MAGI1: variants seen among roughly 807,000 people sequenced by gnomAD.
MAGI1 encodes membrane-associated guanylate kinase, WW and PDZ domain-containing protein 1.
A neutral mutation model predicts 139.9 loss-of-function variants in MAGI1; 58 were observed. The observed-to-expected ratio is 0.41, with a 90% CI of 0.34 to 0.52. The LOEUF is 0.52. Ranked by LOEUF, MAGI1 falls within the 20% of genes least tolerant of loss-of-function variation. The pLI, the probability that MAGI1 is intolerant of heterozygous loss-of-function variation, is 0.12. For synonymous variants in MAGI1, 812 were observed against 737.9 expected, an observed-to-expected ratio of 1.10 and a Z score of -1.63; for missense variants, 1,874 against 1,901.6, an observed-to-expected ratio of 0.99 and a Z score of 0.27.
rs368189937 is a variant in MAGI1 at position 65,478,762 on chromosome 3, G to A, written c.587C>T (p.Pro196Leu). The change falls in exon 4 of 23, where the codon CCA (proline) becomes CTA (leucine). Residue 196 changes from proline to leucine, a missense_variant. Coordinates refer to ENST00000402939, the MANE Select transcript of MAGI1 (RefSeq NM_001033057.2). ...YYGTPKPPSQ[P>L]VSGKVITTDA... is the part of the protein sequence containing the mutation. ...CGTCGTGATCACTTTCCCACTGACT[G>A]GCTGGCTAGGAGGCTTGGGTGTCCC... is the stretch of plus-strand genomic sequence containing the variant. 3.7e-6 allele frequency: 6 copies of A among 1,613,946 alleles called. No homozygotes were observed. The highest frequency in any genetic ancestry group is 5.1e-6 in the Non-Finnish European group (6 of 1,179,986).
intron 1 of MAGI1, among the ~76,000 whole-genome samples, chr3:66,026,142 T>A (rs1375802256): frequency 6.6e-6 from 1 of 151,968 alleles, no homozygotes; most frequent in African/African-American, 2.4e-5. Context: ...GCTCTCCCTA[T>A]CAGATGTAAA....
intron 14 of MAGI1, among the ~76,000 whole-genome samples, chr3:65,388,928 C>T (rs543201260): frequency 1.6e-4 from 24 of 148,936 alleles, no homozygotes; most frequent in South Asian, 8.6e-4. Context: ...CTGCAAGCTC[C>T]GCCTCCCAGG....
At chr3:65,975,536 G>A (rs1338108358) in intron 1 of MAGI1, among the ~76,000 whole-genome samples, 6 of 151,956 alleles carry the variant, frequency 3.9e-5, no homozygotes, top group African/African-American at 9.7e-5. Flanking sequence ...TGGGCGGATC[G>A]TTCGAGCCTA....
At chr3:65,795,194 A>G (rs4688602) in intron 1 of MAGI1, among the ~76,000 whole-genome samples, 46,727 of 152,100 alleles carry the variant, frequency 0.31, 7,782 homozygotes, top group Admixed American at 0.44. Flanking sequence ...AAACATTTGC[A>G]TATTTCATAC....
At chr3:66,007,891 A>ATTTTTT (rs35578902) in intron 1 of MAGI1, among the ~76,000 whole-genome samples, 1 of 122,502 alleles carries the variant, frequency 8.2e-6, no homozygotes, top group Non-Finnish European at 1.7e-5. Flanking sequence ...GGCTCCATAG[A>ATTTTTT]TTTTTTTTTT....
chr3:65,955,407 T>C (rs1010824715), intron 1 of MAGI1, among the ~76,000 whole-genome samples: 6 of 152,164 alleles, frequency 3.9e-5, no homozygotes, highest in African/African-American at 1.2e-4. Context: ...GGCTACATAG[T>C]AAGTGGTTAC....
chr3:65,539,304 CA>C (rs1255608896), intron 2 of MAGI1, among the ~76,000 whole-genome samples: 2 of 152,008 alleles, frequency 1.3e-5, no homozygotes, highest in Admixed American at 1.3e-4. Context: ...AAACAAATAC[CA>C]GCTACTGTCA....
intron 1 of MAGI1, among the ~76,000 whole-genome samples, chr3:65,895,491 A>C (rs1351511884): frequency 1.3e-5 from 2 of 152,236 alleles, no homozygotes; most frequent in Non-Finnish European, 2.9e-5. Flanking sequence ...TTCATTCGAG[A>C]AGGCAAGGCA....
At chr3:65,368,724 T>C (rs1004510024) in intron 18 of MAGI1, among the ~76,000 whole-genome samples, 2 of 152,178 alleles carry the variant, frequency 1.3e-5, no homozygotes, top group Admixed American at 1.3e-4. Flanking sequence ...TTGGGGGACT[T>C]TTTACTATTC....
At chr3:65,612,892 T>C (rs1221624953) in intron 2 of MAGI1, among the ~76,000 whole-genome samples, 3 of 152,196 alleles carry the variant, frequency 2.0e-5, no homozygotes, top group African/African-American at 2.4e-5. Context: ...AATTGCTTTA[T>C]AATTGCAACA....
intron 1 of MAGI1, among the ~76,000 whole-genome samples, chr3:65,751,163 A>C (rs1225739731): frequency 1.3e-5 from 2 of 152,190 alleles, no homozygotes; most frequent in African/African-American, 4.8e-5. Context: ...AAAACCCTAA[A>C]ACTAGTCCTG....
At chr3:65,839,991 G>A (rs113233035) in intron 1 of MAGI1, among the ~76,000 whole-genome samples, 266 of 152,144 alleles carry the variant, frequency 1.7e-3, no homozygotes, top group African/African-American at 6.1e-3. Context: ...TATTTTGTTA[G>A]AGTTATACCT....
chr3:65,378,473 A>G (rs1452543023), intron 17 of MAGI1, among the ~76,000 whole-genome samples: 1 of 151,978 alleles, frequency 6.6e-6, no homozygotes, highest in African/African-American at 2.4e-5. Flanking sequence ...TAGTATTTTT[A>G]CTCCTTACAC....
At chr3:65,755,931 T>A (rs995389879) in intron 1 of MAGI1, among the ~76,000 whole-genome samples, 1 of 152,222 alleles carries the variant, frequency 6.6e-6, no homozygotes, top group Non-Finnish European at 1.5e-5. Flanking sequence ...AAATCTGTCA[T>A]TTCTGATCAC....
chr3:65,730,894 C>A (rs530216910), intron 1 of MAGI1, among the ~76,000 whole-genome samples: 25 of 147,968 alleles, frequency 1.7e-4, no homozygotes, highest in African/African-American at 5.9e-4. Context: ...ACTCTCCCCA[C>A]CCCCCCGGGG....
At chr3:65,968,329 C>G (rs748939668) in intron 1 of MAGI1, among the ~76,000 whole-genome samples, 1 of 152,098 alleles carries the variant, frequency 6.6e-6, no homozygotes, top group South Asian at 2.1e-4. Context: ...ATTACTGATT[C>G]CAGCATTGTT....
intron 1 of MAGI1, among the ~76,000 whole-genome samples, chr3:65,947,666 G>A (rs1472462798): frequency 1.3e-5 from 2 of 152,136 alleles, no homozygotes; most frequent in East Asian, 3.9e-4. Context: ...ACCCAGACTG[G>A]AGTACAGAAG....
chr3:65,932,177 G>T (rs72906995), intron 1 of MAGI1, among the ~76,000 whole-genome samples: 1 of 152,072 alleles, frequency 6.6e-6, no homozygotes. Flanking sequence ...CTTCTGATAC[G>T]ACTTGTAGAT....
chr3:65,921,960 C>CA (rs1315435823), intron 1 of MAGI1, among the ~76,000 whole-genome samples: 4 of 147,884 alleles, frequency 2.7e-5, no homozygotes, highest in African/African-American at 1.0e-4. Context: ...ACACACTACA[C>CA]AAAAGGAAAG....
Sources: allele counts gnomAD v4.1 joint callset (sites outside exome capture counted in the v4.1 genomes callset), GRCh38; gene constraint gnomAD v4.1.1; transcripts MANE v1.5; gene names NCBI Gene and HGNC (gene_info 2026-07-23, HGNC 2026-07-21).